KIAA1217: variants seen among roughly 807,000 people sequenced by gnomAD.
The protein encoded by KIAA1217 is sickle tail protein homolog.
A neutral mutation model predicts 163.9 loss-of-function variants in KIAA1217; 88 were observed. The observed-to-expected ratio is 0.54, with a 90% CI of 0.45 to 0.64. The LOEUF (loss-of-function observed/expected upper bound fraction) is 0.64, where lower values mean the gene tolerates loss of function less well. Among genes scored for constraint, KIAA1217 ranks in the 30% least tolerant of loss-of-function variants. KIAA1217 has a pLI of 0.00. For synonymous variants in KIAA1217, 903 were observed against 923.1 expected (o/e 0.98, Z 0.39); for missense variants, 2,372 against 2,475.0 (o/e 0.96, Z 0.88).
chr10:24,373,873 A>C (rs7098165), intron 2 of KIAA1217, among the ~76,000 whole-genome samples: 24,632 of 152,174 alleles, frequency 0.16, 2,300 homozygotes, highest in South Asian at 0.31. Context: ...GCAGCGGGTA[A>C]TGGGTATCAC....
rs962092726 is a variant in KIAA1217, at chr10:24,346,292, T to C, written c.355-34577T>C. Among the ~76,000 whole-genome samples, 3 of 152,070 alleles carry C rather than the reference T, an allele frequency of 2.0e-5. No homozygotes were observed. The East Asian group carries it at 5.9e-4, about 30-fold the overall frequency. On this transcript the variant is annotated intron_variant, in intron 2 of 20. Transcript: ENST00000376454. ...CATCCTGGCTAACACAGTGAAACAC[T>C]GTCTCTACTAAAAAACAAAATACAA...
At chr10:23,856,638 C>T (rs1051181216) in intron 1 of KIAA1217, among the ~76,000 whole-genome samples, 6 of 152,248 alleles carry the variant, frequency 3.9e-5, no homozygotes, top group Non-Finnish European at 7.3e-5. Flanking sequence ...GCAGGCAGGC[C>T]TCCTTGAGCT....
chr10:23,926,747 A>G (rs1053396437), intron 1 of KIAA1217, among the ~76,000 whole-genome samples: 1 of 151,268 alleles, frequency 6.6e-6, no homozygotes, highest in Non-Finnish European at 1.5e-5. Context: ...ATAAATAAAT[A>G]AATAAATAAA....
chr10:24,220,042 T>C (rs2069365164), intron 2 of KIAA1217, 133 bp downstream of exon 2: 1 of 960,728 alleles, frequency 1.0e-6, no homozygotes, highest in Admixed American at 3.5e-5. Flanking sequence ...GTTCTGGATT[T>C]CTTTGGGGCC....
At chr10:24,431,516 G>A (rs1310737472) in intron 3 of KIAA1217, among the ~76,000 whole-genome samples, 1 of 152,110 alleles carries the variant, frequency 6.6e-6, no homozygotes, top group Non-Finnish European at 1.5e-5. Context: ...CTCCCAAGAC[G>A]GCTCATCCAC....
chr10:23,700,412 A>G (rs952120335), intron 1 of KIAA1217, among the ~76,000 whole-genome samples: 4 of 152,062 alleles, frequency 2.6e-5, no homozygotes, highest in African/African-American at 7.2e-5. Context: ...TCTAGATTCC[A>G]TACACAGCCA....
At chr10:23,757,867 C>G (rs1373395950) in intron 1 of KIAA1217, among the ~76,000 whole-genome samples, 1 of 152,156 alleles carries the variant, frequency 6.6e-6, no homozygotes, top group Non-Finnish European at 1.5e-5. Context: ...GGAAAAATGT[C>G]TATTCAAGTC....
At chr10:24,057,719 C>CA (rs1236047040) in intron 2 of KIAA1217, among the ~76,000 whole-genome samples, 1 of 151,834 alleles carries the variant, frequency 6.6e-6, no homozygotes, top group East Asian at 1.9e-4. Flanking sequence ...CGTGTCTATT[C>CA]AAATTCTTAG....
chr10:23,739,950 G>A (rs1218289837), intron 1 of KIAA1217, among the ~76,000 whole-genome samples: 1 of 152,158 alleles, frequency 6.6e-6, no homozygotes, highest in Non-Finnish European at 1.5e-5. Context: ...TAAGTCCAAG[G>A]ATATTTGCCT....
chr10:23,892,098 A>G (rs1489566069), intron 1 of KIAA1217, among the ~76,000 whole-genome samples: 2 of 151,984 alleles, frequency 1.3e-5, no homozygotes, highest in Non-Finnish European at 2.9e-5. Context: ...CACACTATAT[A>G]TTTCATATGT....
At chr10:24,286,672 A>C (rs565982892) in intron 2 of KIAA1217, among the ~76,000 whole-genome samples, 9 of 152,304 alleles carry the variant, frequency 5.9e-5, no homozygotes, top group African/African-American at 2.2e-4. Flanking sequence ...CTGGCTTTAA[A>C]AGACTTCAGA....
At chr10:24,201,996 G>C (rs114237704) in intron 2 of KIAA1217, among the ~76,000 whole-genome samples, 2,478 of 152,250 alleles carry the variant, frequency 0.016, 71 homozygotes, top group African/African-American at 0.056. Flanking sequence ...GGGAGTGCAG[G>C]CTGCACGCAG....
intron 2 of KIAA1217, among the ~76,000 whole-genome samples, chr10:24,131,391 A>T (rs973112353): frequency 3.9e-5 from 6 of 152,232 alleles, no homozygotes; most frequent in African/African-American, 1.4e-4. Context: ...TGAAAATCTG[A>T]AAAGAATGTC....
intron 9 of KIAA1217, among the ~76,000 whole-genome samples, chr10:24,509,867 A>C (rs1388794063): frequency 6.6e-6 from 1 of 152,236 alleles, no homozygotes; most frequent in South Asian, 2.1e-4. Flanking sequence ...AGGGAAAATC[A>C]TAATATTCAT....
intron 1 of KIAA1217, among the ~76,000 whole-genome samples, chr10:23,940,659 G>T (rs1376152108): frequency 6.6e-6 from 1 of 151,990 alleles, no homozygotes; most frequent in East Asian, 1.9e-4. Flanking sequence ...ACATGAAACT[G>T]GAATTTTACT....
intron 2 of KIAA1217, among the ~76,000 whole-genome samples, chr10:24,361,035 A>C (rs2049917684): frequency 6.6e-6 from 1 of 152,170 alleles, no homozygotes; most frequent in Non-Finnish European, 1.5e-5. Flanking sequence ...TAATAGACTA[A>C]GAGTAGGAGA....
intron 5 of KIAA1217, among the ~76,000 whole-genome samples, chr10:24,468,333 T>A (rs1399638873): frequency 6.6e-6 from 1 of 152,204 alleles, no homozygotes; most frequent in East Asian, 1.9e-4. Context: ...CACTCTATAT[T>A]GGGATCATTG....
chr10:24,375,696 T>C (rs1312678562), intron 2 of KIAA1217, among the ~76,000 whole-genome samples: 1 of 152,234 alleles, frequency 6.6e-6, no homozygotes, highest in African/African-American at 2.4e-5. Flanking sequence ...CATTTGCATG[T>C]GGAAAACTTC....
chr10:24,391,647 G>C (rs1425573663), intron 3 of KIAA1217, among the ~76,000 whole-genome samples: 1 of 152,134 alleles, frequency 6.6e-6, no homozygotes, highest in African/African-American at 2.4e-5. Context: ...ACTTGGCCTA[G>C]GTTCTCCTGT....
Sources: allele counts gnomAD v4.1 joint callset (sites outside exome capture counted in the v4.1 genomes callset), GRCh38; gene constraint gnomAD v4.1.1; transcripts MANE v1.5; gene names NCBI Gene and HGNC (gene_info 2026-07-23, HGNC 2026-07-21).